ASCC1: variants seen among roughly 807,000 people sequenced by gnomAD.
ASCC1 encodes the protein ASC-1 complex subunit P50.
Under a neutral mutation model 46.6 loss-of-function variants are expected in ASCC1, and 35 were observed. That is an observed-to-expected ratio of 0.75 (90% CI 0.57 to 0.99). ASCC1 has a LOEUF of 0.99. Among genes scored for constraint, ASCC1 ranks in the 50% least tolerant of loss-of-function variants. The pLI, the probability that ASCC1 is intolerant of heterozygous loss-of-function variation, is 0.00. For synonymous variants in ASCC1, 143 were observed against 146.6 expected (o/e 0.98, Z 0.18); for missense variants, 376 against 428.7 (o/e 0.88, Z 1.09).
At chr10:72,157,541 T>C (rs1299321559) in intron 6 of ASCC1, among the ~76,000 whole-genome samples, 2 of 152,192 alleles carry the variant, frequency 1.3e-5, no homozygotes, top group Admixed American at 6.5e-5. Flanking sequence ...TTTTATCTTC[T>C]GCAAAATTCC....
At chr10:72,120,740 C>T (rs1393766006) in intron 9 of ASCC1, among the ~76,000 whole-genome samples, 1 of 152,070 alleles carries the variant, frequency 6.6e-6, no homozygotes, top group African/African-American at 2.4e-5. Context: ...TTGACTTTTC[C>T]TCAGAAACCA....
intron 7 of ASCC1, among the ~76,000 whole-genome samples, chr10:72,144,071 G>A (rs994398093): frequency 1.1e-4 from 17 of 151,474 alleles, no homozygotes; most frequent in African/African-American, 4.1e-4. Context: ...TCCACCTCCT[G>A]GGTTCAAGCA....
At chr10:72,204,835 T>C (rs913799698) in intron 3 of ASCC1, among the ~76,000 whole-genome samples, 3 of 152,194 alleles carry the variant, frequency 2.0e-5, no homozygotes, top group African/African-American at 7.2e-5. Flanking sequence ...GTGAGGTCTT[T>C]GTTTTCCCAC....
chr10:72,182,072 G>A (rs1203227462), intron 5 of ASCC1, among the ~76,000 whole-genome samples: 1 of 152,118 alleles, frequency 6.6e-6, no homozygotes, highest in Non-Finnish European at 1.5e-5. Flanking sequence ...AATAATGACT[G>A]AAAATTATAC....
At chr10:72,157,781 TA>T (rs891074430) in intron 6 of ASCC1, among the ~76,000 whole-genome samples, 8 of 152,136 alleles carry the variant, frequency 5.3e-5, no homozygotes, top group African/African-American at 1.7e-4. Flanking sequence ...TTTTAAACTA[TA>T]AAAAAAATTG....
intron 3 of ASCC1, 93 bp from the exon 4 acceptor site, chr10:72,203,617 C>T: frequency 1.1e-6 from 1 of 939,088 alleles, no homozygotes; most frequent in African/African-American, 1.6e-5. Context: ...AAGAGATACT[C>T]CCTTACAGAA....
intron 9 of ASCC1, among the ~76,000 whole-genome samples, chr10:72,105,562 C>T (rs535518671): frequency 3.3e-5 from 5 of 152,268 alleles, no homozygotes; most frequent in African/African-American, 9.6e-5. Context: ...GAAATGTAGA[C>T]CTTTGATGAA....
At chr10:72,216,713 G>T (rs73276919), upstream of ASCC1, 20,914 of 413,670 alleles carry the variant, frequency 0.051, 1,807 homozygotes, top group African/African-American at 0.24. Context: ...GGTCATCCCT[G>T]CCGTACATGA....
intron 9 of ASCC1, among the ~76,000 whole-genome samples, chr10:72,118,320 T>C (rs1439914409): frequency 6.7e-6 from 1 of 148,954 alleles, no homozygotes; most frequent in African/African-American, 2.5e-5. Context: ...TGAGCCAAGA[T>C]CGTGCCACTG....
At chr10:72,162,319 C>T (rs928082637) in intron 5 of ASCC1, among the ~76,000 whole-genome samples, 4 of 151,942 alleles carry the variant, frequency 2.6e-5, no homozygotes, top group East Asian at 1.9e-4. Context: ...TACAGGCGCC[C>T]GCCACCACGC....
chr10:72,132,728 C>CT (rs748391019), intron 8 of ASCC1, among the ~76,000 whole-genome samples: 2 of 149,532 alleles, frequency 1.3e-5, no homozygotes, highest in Non-Finnish European at 3.0e-5. Context: ...TCTTTTTTCT[C>CT]TTTAAAAAAA....
chr10:72,199,581 C>T (rs1428585004), intron 4 of ASCC1, among the ~76,000 whole-genome samples: 1 of 152,076 alleles, frequency 6.6e-6, no homozygotes, highest in Non-Finnish European at 1.5e-5. Context: ...CAGGCGTGAG[C>T]CACTGGGCCT....
chr10:72,099,595 G>C (rs189572315), intron 9 of ASCC1, among the ~76,000 whole-genome samples: 1 of 152,082 alleles, frequency 6.6e-6, no homozygotes, highest in African/African-American at 2.4e-5. Flanking sequence ...CTGAGGCAGC[G>C]GGATCACCTG....
chr10:72,146,740 T>C (rs1847673653), intron 7 of ASCC1, among the ~76,000 whole-genome samples: 1 of 152,186 alleles, frequency 6.6e-6, no homozygotes, highest in Non-Finnish European at 1.5e-5. Context: ...CCCAGCTCTC[T>C]GTTTCCAGAG....
At chr10:72,147,573 T>G (rs906724447) in intron 7 of ASCC1, among the ~76,000 whole-genome samples, 12 of 152,118 alleles carry the variant, frequency 7.9e-5, no homozygotes, top group African/African-American at 2.9e-4. Flanking sequence ...AATTTTAAGT[T>G]AAATTTTCCA....
At chr10:72,184,858 C>T (rs1003372439) in intron 5 of ASCC1, among the ~76,000 whole-genome samples, 1 of 151,266 alleles carries the variant, frequency 6.6e-6, no homozygotes, top group Non-Finnish European at 1.5e-5. Context: ...CAATATCACG[C>T]ACTTTTTAAA....
chr10:72,208,461 G>A (rs1049489861), intron 3 of ASCC1, among the ~76,000 whole-genome samples: 2 of 152,040 alleles, frequency 1.3e-5, no homozygotes, highest in African/African-American at 4.8e-5. Context: ...CAAGGTGGAT[G>A]AAATGAAAAC....
At chr10:72,101,190 A>G (rs1328017165) in intron 9 of ASCC1, among the ~76,000 whole-genome samples, 4 of 152,182 alleles carry the variant, frequency 2.6e-5, no homozygotes, top group African/African-American at 4.8e-5. Flanking sequence ...TGCATATCAG[A>G]AGAGGGAAAT....
At chr10:72,136,251 G>A (rs187262976) in intron 7 of ASCC1, among the ~76,000 whole-genome samples, 2 of 152,204 alleles carry the variant, frequency 1.3e-5, no homozygotes, top group Admixed American at 1.3e-4. Flanking sequence ...CTAGAGGATT[G>A]TAAATGCACC....
Sources: allele counts gnomAD v4.1 joint callset (sites outside exome capture counted in the v4.1 genomes callset), GRCh38; gene constraint gnomAD v4.1.1; transcripts MANE v1.5; gene names NCBI Gene and HGNC (gene_info 2026-07-23, HGNC 2026-07-21).